CDC27: variants seen among roughly 807,000 people sequenced by gnomAD.
The protein encoded by CDC27 is cell division cycle 27.
In CDC27, 27 loss-of-function variants were observed where a neutral mutation model predicts 109.7. The observed-to-expected ratio is 0.25, with a 90% CI of 0.18 to 0.34. The LOEUF (loss-of-function observed/expected upper bound fraction) is 0.34. CDC27 is among the 10% of genes least tolerant of loss of function. The pLI is 1.00. For synonymous variants in CDC27, 266 were observed against 333.9 expected, an observed-to-expected ratio of 0.80 and a Z score of 2.22; for missense variants, 579 against 960.2, an observed-to-expected ratio of 0.60 and a Z score of 5.25.
intron 12 of CDC27, among the ~76,000 whole-genome samples, chr17:47,139,264 CTCTT>C (rs1315673504): frequency 2.7e-5 from 4 of 149,988 alleles, no homozygotes. Flanking sequence ...TACAGAATAA[CTCTT>C]TTTTTTTTTT....
intron 18 of CDC27, among the ~76,000 whole-genome samples, chr17:47,121,398 C>CTA (rs914529330): frequency 3.2e-4 from 49 of 152,256 alleles, no homozygotes; most frequent in African/African-American, 1.2e-3. Flanking sequence ...GAAACACAGA[C>CTA]TATAACCTTC....
rs1159662279 is a variant in CDC27, at chr17:47,123,964, A to C, written c.2161-4T>G. On this transcript the variant is annotated splice_region_variant and splice_polypyrimidine_tract_variant and intron_variant, in intron 16 of 18. Coordinates refer to ENST00000066544, the MANE Select transcript of CDC27 (RefSeq NM_001256.6). ...CTTCAAGTTCTTGTAAAGCAGACTGAAAAAGGCAAAGAAAAACCTTAAAGT... is the reference window on the plus strand; with the variant it reads ...CTTCAAGTTCTTGTAAAGCAGACTGCAAAAGGCAAAGAAAAACCTTAAAGT... 1.3e-6 allele frequency: 2 copies of C among 1,578,392 alleles called. No homozygotes were observed. Among genetic ancestry groups the C allele is most frequent in the African/African-American group, 2.7e-5 (2 of 73,060 alleles).
chr17:47,152,203 C>T (rs1328902006), intron 8 of CDC27, among the ~76,000 whole-genome samples: 1 of 152,096 alleles, frequency 6.6e-6, no homozygotes, highest in Non-Finnish European at 1.5e-5. Context: ...TTCTTTTCAT[C>T]TCATTGTGAC....
chr17:47,164,819 AAAC>A (rs552187448), intron 4 of CDC27, among the ~76,000 whole-genome samples: 53 of 152,204 alleles, frequency 3.5e-4, no homozygotes, highest in East Asian at 1.9e-3. Context: ...ATTCCATTTC[AAAC>A]AACAACAACA....
At chr17:47,167,238 G>A (rs2148953331) in intron 4 of CDC27, among the ~76,000 whole-genome samples, 1 of 152,282 alleles carries the variant, frequency 6.6e-6, no homozygotes, top group South Asian at 2.1e-4. Context: ...ATTATCTAAT[G>A]CAACTTTTTT....
intron 12 of CDC27, among the ~76,000 whole-genome samples, chr17:47,141,429 A>G (rs1359091478): frequency 6.6e-6 from 1 of 152,214 alleles, no homozygotes; most frequent in Non-Finnish European, 1.5e-5. Flanking sequence ...TATTAAAGAC[A>G]TTGTGTCCTC....
At chr17:47,152,696 C>A (rs1481845851) in intron 8 of CDC27, among the ~76,000 whole-genome samples, 1 of 152,142 alleles carries the variant, frequency 6.6e-6, no homozygotes, top group East Asian at 1.9e-4. Flanking sequence ...CCTCAAACTG[C>A]ATATTATAAA....
At chr17:47,137,468 G>C in intron 13 of CDC27, 108 bp from the exon 14 acceptor site, 1 of 563,096 alleles carries the variant, frequency 1.8e-6, no homozygotes, top group South Asian at 2.8e-5. Flanking sequence ...GACAAAAATG[G>C]AGGAGCTTCA....
At chr17:47,173,953 G>A (rs958282887) in intron 2 of CDC27, among the ~76,000 whole-genome samples, 1 of 152,194 alleles carries the variant, frequency 6.6e-6, no homozygotes, top group Non-Finnish European at 1.5e-5. Flanking sequence ...AATTAGCCAG[G>A]CGCGGTGGCG....
rs1250464199 is a variant in CDC27, at chr17:47,189,278, G to C, written c.-106C>G. 3 of 862,296 alleles carry C rather than the reference G, an allele frequency of 3.5e-6. No homozygotes were observed. In the African/African-American group the frequency reaches 4.9e-5, roughly 14 times the overall value. The allele number at this position is 862,296 out of a possible 1,614,324, so 53.4% of individuals were successfully genotyped here. Reference sequence around the variant, plus strand: ...AAACTCACCAGCGACCGTTACCGGGGGATGGGGGAGGCCGAGCGATTGCCG... The same window carrying C: ...AAACTCACCAGCGACCGTTACCGGGCGATGGGGGAGGCCGAGCGATTGCCG... On this transcript the variant is annotated 5_prime_UTR_variant, in exon 1 of 19. Transcript: ENST00000066544.
At chr17:47,134,785 CTT>C (rs376654308) in intron 14 of CDC27, among the ~76,000 whole-genome samples, 7 of 125,008 alleles carry the variant, frequency 5.6e-5, no homozygotes, top group Admixed American at 8.1e-5. Context: ...TAATTGTTTT[CTT>C]TTTTTTTTTT....
Position 47,181,545 on chromosome 17 carries a change from A to C in CDC27, c.103+17T>G. 4.8e-6 allele frequency: 7 copies of C among 1,445,402 alleles called. No individual in the cohort carries two copies. Among genetic ancestry groups the C allele is most frequent in the Non-Finnish European group, 5.8e-6 (6 of 1,029,194 alleles). The allele number at this position is 1,445,402 out of a possible 1,614,324, so 89.5% of individuals were successfully genotyped here. On this transcript the variant is annotated intron_variant, in intron 2 of 18. Coordinates refer to ENST00000066544, the MANE Select transcript of CDC27 (RefSeq NM_001256.6). ...GTTATTCATTTATCATTCTACAGCA[A>C]TGAATAGATTTCAAACCTTCTGCAT...
intron 16 of CDC27, among the ~76,000 whole-genome samples, chr17:47,126,978 G>T (rs576978872): frequency 2.0e-5 from 3 of 152,098 alleles, no homozygotes; most frequent in Admixed American, 1.3e-4. Context: ...ATTTTCAGTA[G>T]AGACAGGGTT....
At chr17:47,178,342 C>T (rs2064093761) in intron 2 of CDC27, among the ~76,000 whole-genome samples, 1 of 151,436 alleles carries the variant, frequency 6.6e-6, no homozygotes, top group South Asian at 2.1e-4. Flanking sequence ...TTAAGACTGG[C>T]CTGGGCAACA....
At chr17:47,133,038 C>G (rs2062420865) in intron 14 of CDC27, among the ~76,000 whole-genome samples, 1 of 61,210 alleles carries the variant, frequency 1.6e-5, no homozygotes, top group Non-Finnish European at 3.4e-5. Flanking sequence ...TACACACACA[C>G]ACACACACAC....
intron 16 of CDC27, among the ~76,000 whole-genome samples, chr17:47,128,976 T>C (rs2062234155): frequency 6.6e-6 from 1 of 152,260 alleles, no homozygotes; most frequent in Admixed American, 6.5e-5. Flanking sequence ...TTTCACCATG[T>C]GGCCCGGCTG....
intron 5 of CDC27, among the ~76,000 whole-genome samples, chr17:47,157,869 A>G (rs576587510): frequency 1.3e-5 from 2 of 152,318 alleles, no homozygotes; most frequent in African/African-American, 4.8e-5. Context: ...AGTTTCAGGC[A>G]TTTATTAATT....
At chr17:47,125,655 T>C (rs2062116387) in intron 16 of CDC27, among the ~76,000 whole-genome samples, 1 of 151,928 alleles carries the variant, frequency 6.6e-6, no homozygotes, top group Non-Finnish European at 1.5e-5. Context: ...GCGATTCTCC[T>C]GCTTCAGCCT....
rs754301319 is a variant in CDC27, at chr17:47,122,395, T to C, written c.2392+49A>G. The C allele has an allele frequency of 1.3e-5, 17 of 1,306,288 alleles. No homozygotes were observed. In the East Asian group the frequency reaches 3.9e-4, roughly 30 times the overall value. The allele number at this position is 1,306,288 out of a possible 1,614,324, so 80.9% of individuals were successfully genotyped here. A position where few individuals can be genotyped will look rare whatever the true frequency, so the allele number is the denominator to read the frequency against. The stretch of plus-strand genomic sequence containing the variant: ...TAAAAGAGTAGCCTACAAATCCTTA[T>C]GCAAAAGGTAACTTTCTAAATACTC... On this transcript the variant is annotated intron_variant, in intron 18 of 18. Transcript: ENST00000066544.
Sources: gnomAD v4.1 joint callset for allele counts (sites outside exome capture counted in the v4.1 genomes callset) on GRCh38, gnomAD v4.1.1 for gene constraint, MANE v1.5 for transcripts, NCBI Gene and HGNC (gene_info 2026-07-23, HGNC 2026-07-21) for gene names.